Variants in SPIN1 observed in about 807,000 individuals in gnomAD.
SPIN1 encodes the protein spindlin 1.
In SPIN1, 3 loss-of-function variants were observed where a neutral mutation model predicts 26.0. That is an observed-to-expected ratio of 0.12 (90% CI 0.05 to 0.30). The LOEUF (loss-of-function observed/expected upper bound fraction) is 0.30. SPIN1 is among the 10% of genes least tolerant of loss of function. The probability of loss-of-function intolerance (pLI) is 1.00; values close to 1 mark genes in which losing one functional copy is unlikely to be tolerated. For synonymous variants in SPIN1, 101 were observed against 116.5 expected, an observed-to-expected ratio of 0.87 and a Z score of 0.86; for missense variants, 126 against 333.4, an observed-to-expected ratio of 0.38 and a Z score of 4.84.
At chr9:88,404,929 A>C (rs961239200) in intron 1 of SPIN1, among the ~76,000 whole-genome samples, 15 of 146,636 alleles carry the variant, frequency 1.0e-4, no homozygotes, top group African/African-American at 3.5e-4. Context: ...AAAAAAAAAA[A>C]CAAAAAAAAA....
chr9:88,428,899 A>G (rs565214646), intron 2 of SPIN1, among the ~76,000 whole-genome samples: 45 of 152,308 alleles, frequency 3.0e-4, no homozygotes, highest in Middle Eastern at 3.4e-3. Flanking sequence ...TTAAAGAGAC[A>G]GAGTTCCTCT....
At chr9:88,412,907 C>G (rs180736009) in intron 1 of SPIN1, among the ~76,000 whole-genome samples, 45 of 152,116 alleles carry the variant, frequency 3.0e-4, no homozygotes, top group African/African-American at 1.0e-3. Flanking sequence ...TGGTCTCGAA[C>G]TCCTAACCTC....
rs1271332901 is a variant in SPIN1, at chr9:88,437,007, C to T, written c.52+10416C>T. 2.6e-5 allele frequency among the ~76,000 whole-genome samples: 4 copies of T among 151,930 alleles called. 1 individual carries two copies. The South Asian group carries it at 6.2e-4, about 24-fold the overall frequency. On this transcript the variant is annotated intron_variant, in intron 2 of 5. Coordinates refer to ENST00000375859, the MANE Select transcript of SPIN1 (RefSeq NM_006717.3). ...GTCTCGATCTCCTGACCTCGTGATC[C>T]GCCCGCCTCGGCCTCCCAAAGTGCT...
At chr9:88,411,338 T>C in intron 1 of SPIN1, 2 of 1,488,688 alleles carry the variant, frequency 1.3e-6, no homozygotes, top group Non-Finnish European at 1.9e-6. Flanking sequence ...TACCACACAG[T>C]CCGTGAGTGT....
intron 2 of SPIN1, 129 bp from the exon 3 acceptor site, chr9:88,448,812 A>T: frequency 1.4e-6 from 1 of 692,560 alleles, no homozygotes. Flanking sequence ...CTTTCTTAAC[A>T]TGTTTGCTGG....
intron 3 of SPIN1, among the ~76,000 whole-genome samples, chr9:88,451,322 C>T (rs1384413410): frequency 6.6e-6 from 1 of 152,106 alleles, no homozygotes; most frequent in African/African-American, 2.4e-5. Context: ...ACTGAGTGAG[C>T]AATAGCACCT....
In SPIN1 at chr9:88,410,404, A is replaced by T. The variant is rs1340375743; in HGVS notation, c.-158-15978A>T. The T allele has an allele frequency of 5.3e-6, 3 of 565,816 alleles. No individual in the cohort carries two copies. In the Admixed American group the frequency reaches 7.3e-5, roughly 14 times the overall value. The allele number at this position is 565,816 out of a possible 1,614,324, so 35.0% of individuals were successfully genotyped here. On this transcript the variant is annotated intron_variant, in intron 1 of 5. Coordinates refer to ENST00000375859, the MANE Select transcript of SPIN1 (RefSeq NM_006717.3). ...ATATACATGAGTATTTGTCTAAAACATGTCTTCTTTGTAGCATCTAGGCCC... is the reference window on the plus strand; with the variant it reads ...ATATACATGAGTATTTGTCTAAAACTTGTCTTCTTTGTAGCATCTAGGCCC...
chr9:88,474,574 A>T (rs997463114), intron 5 of SPIN1, among the ~76,000 whole-genome samples: 3 of 152,328 alleles, frequency 2.0e-5, no homozygotes, highest in Middle Eastern at 3.4e-3. Context: ...AGTAAAACCA[A>T]TGGTACTTAG....
rs192846232 is a variant in SPIN1, at chr9:88,431,216, G to C, written c.52+4625G>C. On this transcript the variant is annotated intron_variant, in intron 2 of 5. Coordinates refer to ENST00000375859, the MANE Select transcript of SPIN1 (RefSeq NM_006717.3). ...ATGATATATTTTAATCATATTGATG[G>C]TACAAGGAATGTTAGTCATAGATGC... Among the ~76,000 whole-genome samples the C allele has an allele frequency of 2.6e-3, 390 of 150,386 alleles. 6 individuals carry two copies. Among genetic ancestry groups the C allele is most frequent in the Middle Eastern group, 3.6e-3 (1 of 280 alleles).
At chr9:88,463,833 A>G (rs898652251) in intron 4 of SPIN1, among the ~76,000 whole-genome samples, 2 of 152,206 alleles carry the variant, frequency 1.3e-5, no homozygotes, top group Non-Finnish European at 2.9e-5. Context: ...AGTGTGACTG[A>G]TCACCTGCTC....
intron 1 of SPIN1, among the ~76,000 whole-genome samples, chr9:88,401,626 A>G (rs980477888): frequency 1.3e-5 from 2 of 152,260 alleles, no homozygotes; most frequent in African/African-American, 4.8e-5. Context: ...ACTACAAGGA[A>G]AAAACTTTAT....
intron 3 of SPIN1, among the ~76,000 whole-genome samples, chr9:88,450,228 TAAC>T (rs1828329664): frequency 6.6e-6 from 1 of 152,078 alleles, no homozygotes; most frequent in Non-Finnish European, 1.5e-5. Flanking sequence ...AAATAAAACA[TAAC>T]AATAAAAACA....
chr9:88,417,625 A>G (rs756998880), intron 1 of SPIN1, among the ~76,000 whole-genome samples: 8 of 152,032 alleles, frequency 5.3e-5, no homozygotes, highest in Non-Finnish European at 8.8e-5. Flanking sequence ...GGCACGTGCC[A>G]CCATGCCCAG....
At chr9:88,472,993 A>G (rs1336625170) in intron 5 of SPIN1, among the ~76,000 whole-genome samples, 2 of 152,188 alleles carry the variant, frequency 1.3e-5, no homozygotes, top group African/African-American at 4.8e-5. Context: ...GCCATGCGTC[A>G]GTCATCTTTA....
intron 1 of SPIN1, among the ~76,000 whole-genome samples, chr9:88,393,443 G>T: frequency 8.3e-6 from 1 of 120,114 alleles, no homozygotes; most frequent in African/African-American, 3.6e-5. Context: ...TCTTGCTTTT[G>T]GGTTTTTTTT....
chr9:88,473,643 T>TGTGTG (rs1564047565), intron 5 of SPIN1, among the ~76,000 whole-genome samples: 3 of 119,256 alleles, frequency 2.5e-5, no homozygotes, highest in African/African-American at 8.7e-5. Context: ...TTCTCCAAAC[T>TGTGTG]TGTGTGTGTG....
intron 2 of SPIN1, among the ~76,000 whole-genome samples, chr9:88,440,016 A>G (rs957590141): frequency 6.6e-6 from 1 of 151,984 alleles, no homozygotes; most frequent in Non-Finnish European, 1.5e-5. Flanking sequence ...TTATGTTACT[A>G]TTATCTGTTC....
At chr9:88,392,366 A>G (rs1416322138) in intron 1 of SPIN1, among the ~76,000 whole-genome samples, 1 of 152,174 alleles carries the variant, frequency 6.6e-6, no homozygotes, top group African/African-American at 2.4e-5. Context: ...TACAGACTTT[A>G]TAGTCTGATA....
At chr9:88,468,221 G>A (rs1487665604) in intron 4 of SPIN1, 151 bp from the exon 5 acceptor site, 2 of 521,228 alleles carry the variant, frequency 3.8e-6, no homozygotes, top group Non-Finnish European at 6.5e-6. Context: ...TTTGGTTTTT[G>A]TACTTTTTAA....
Sources: gnomAD v4.1 joint callset for allele counts (sites outside exome capture counted in the v4.1 genomes callset) on GRCh38, gnomAD v4.1.1 for gene constraint, MANE v1.5 for transcripts, NCBI Gene and HGNC (gene_info 2026-07-23, HGNC 2026-07-21) for gene names.